Variants in TERF2 observed in about 807,000 individuals in gnomAD.
The protein encoded by TERF2 is telomeric repeat binding factor 2.
In TERF2, 16 loss-of-function variants were observed where a neutral mutation model predicts 56.1. The ratio of observed to expected loss-of-function variants is 0.29; its 90% CI spans 0.19 to 0.43. The LOEUF is 0.43. TERF2 is among the 20% of genes least tolerant of loss of function. The probability of loss-of-function intolerance (pLI) is 1.00; values close to 1 mark genes in which losing one functional copy is unlikely to be tolerated. For synonymous variants in TERF2, 296 were observed against 282.1 expected (o/e 1.05, Z -0.50); for missense variants, 547 against 712.9 (o/e 0.77, Z 2.65).
chr16:69,363,614 G>A (rs938009426), intron 7 of TERF2, among the ~76,000 whole-genome samples: 1 of 152,134 alleles, frequency 6.6e-6, no homozygotes, highest in Non-Finnish European at 1.5e-5. Flanking sequence ...GCTGCGGCTT[G>A]TGTACCATGA....
At chr16:69,371,373 T>A (rs946892312) in intron 4 of TERF2, among the ~76,000 whole-genome samples, 1 of 151,186 alleles carries the variant, frequency 6.6e-6, no homozygotes, top group Non-Finnish European at 1.5e-5. Context: ...TGGTGGCACA[T>A]GCCTGTAACC....
intron 3 of TERF2, among the ~76,000 whole-genome samples, chr16:69,372,718 C>T (rs2013622842): frequency 1.3e-5 from 2 of 151,998 alleles, no homozygotes; most frequent in South Asian, 4.1e-4. Context: ...GCCGAGATCG[C>T]GCCACTGCAC....
chr16:69,368,278 C>T (rs2013426508), intron 6 of TERF2, 98 bp downstream of exon 6: 12 of 1,089,434 alleles, frequency 1.1e-5, no homozygotes, highest in Admixed American at 4.1e-5. Context: ...GTTAGTAGGT[C>T]GGAGTGCTGA....
chr16:69,373,892 T>C (rs984484678), intron 3 of TERF2, among the ~76,000 whole-genome samples: 3 of 147,908 alleles, frequency 2.0e-5, no homozygotes, highest in Admixed American at 6.7e-5. Context: ...CAGGGAAGAA[T>C]GTACAGAGAC....
At chr16:69,371,330 C>G (rs1226337341) in intron 4 of TERF2, among the ~76,000 whole-genome samples, 1 of 151,220 alleles carries the variant, frequency 6.6e-6, no homozygotes, top group Non-Finnish European at 1.5e-5. Context: ...AAAACCCCGT[C>G]TCTACTAAAA....
intron 3 of TERF2, among the ~76,000 whole-genome samples, chr16:69,373,560 T>G (rs539718830): frequency 6.6e-6 from 1 of 152,144 alleles, no homozygotes; most frequent in Non-Finnish European, 1.5e-5. Context: ...TGTGGCAGCT[T>G]ACAACTGTAC....
At chr16:69,361,190 C>T (rs2013123470) in intron 8 of TERF2, among the ~76,000 whole-genome samples, 1 of 151,726 alleles carries the variant, frequency 6.6e-6, no homozygotes, top group African/African-American at 2.4e-5. Context: ...CATGTTTACA[C>T]CACTGCATTC....
chr16:69,356,801 A>C lies in TERF2; in HGVS notation c.*97T>G, dbSNP rs1175171331. ...GGTGACAGAGCGAGACTCTGTCTCA[A>C]AAAAAAAAAAAAAAGAAAAAGAAAG... On this transcript the variant is annotated 3_prime_UTR_variant, in exon 10 of 10. Transcript: ENST00000254942. 10 of 633,288 alleles carry C rather than the reference A, an allele frequency of 1.6e-5. No homozygotes were observed. The highest frequency in any genetic ancestry group is 1.7e-5 in the Non-Finnish European group (8 of 467,220). The allele number at this position is 633,288 out of a possible 1,614,324, so 39.2% of individuals were successfully genotyped here. A position where few individuals can be genotyped will look rare whatever the true frequency, so the allele number is the denominator to read the frequency against.
chr16:69,360,055 G>T (rs111625081), intron 8 of TERF2, among the ~76,000 whole-genome samples: 2 of 151,304 alleles, frequency 1.3e-5, no homozygotes, highest in African/African-American at 4.8e-5. Flanking sequence ...GAGCCACTAC[G>T]CCCAGCCTAG....
intron 4 of TERF2, among the ~76,000 whole-genome samples, chr16:69,370,879 G>T (rs547348229): frequency 6.6e-6 from 1 of 152,200 alleles, no homozygotes; most frequent in Non-Finnish European, 1.5e-5. Context: ...ATGATTCCAA[G>T]ATATAATATT....
chr16:69,370,485 T>G lies in TERF2; in HGVS notation c.838A>C (p.Thr280Pro). 1 of 1,614,114 alleles carries G rather than the reference T, an allele frequency of 6.2e-7. No individual in the cohort carries two copies. Among genetic ancestry groups the G allele is most frequent in the Non-Finnish European group, 8.5e-7 (1 of 1,180,012 alleles). The change falls in exon 5 of 10, where the codon ACG becomes CCG. Residue 280 changes from threonine (T) to proline (P), a missense_variant and splice_region_variant. Around this residue, in one of 6 missense-constraint regions of TERF2, gnomAD observed 97 missense variants for 157.0 expected, o/e 0.62. Transcript: ENST00000254942. ...HLDDAEPYLL[T>P]MAKKALKSES... ...ATGGGAGAAGGGCCAAGGCGCACCGTGAGGAGGTAGGGCTCGGCGTCATCC... is the reference window on the plus strand; with the variant it reads ...ATGGGAGAAGGGCCAAGGCGCACCGGGAGGAGGTAGGGCTCGGCGTCATCC...
Position 69,385,941 on chromosome 16 carries a change from C to G in TERF2, c.31G>C (p.Ala11Pro), listed in dbSNP as rs1434342134. The G allele has an allele frequency of 9.5e-6, 13 of 1,362,892 alleles. No individual in the cohort carries two copies. Among genetic ancestry groups the G allele is most frequent in the Middle Eastern group, 2.7e-4 (1 of 3,708 alleles). The allele number at this position is 1,362,892 out of a possible 1,614,324, so 84.4% of individuals were successfully genotyped here. Residue 11 changes from alanine to proline, a missense_variant, in exon 1 of 10, where the codon GCT becomes CCT. Physicochemically the swap from Ala to Pro is conservative, Grantham distance 27. Around this residue, in one of 6 missense-constraint regions of TERF2, gnomAD observed 85 missense variants for 59.5 expected, o/e 1.43. Transcript: ENST00000254942. ...TCACGCACGACGCCCGGGCCGGAAGCGGGGCCCGCCGTCCCGGCTCCCGCG... is the reference window on the plus strand; with the variant it reads ...TCACGCACGACGCCCGGGCCGGAAGGGGGGCCCGCCGTCCCGGCTCCCGCG... MAAGAGTAGP[A>P]SGPGVVRDPA...
chr16:69,369,121 G>GTCATTCAGTTTCGGTTTGC, intron 5 of TERF2, among the ~76,000 whole-genome samples: 1 of 74,754 alleles, frequency 1.3e-5, no homozygotes, highest in African/African-American at 7.2e-5. Context: ...GGCTCTTTGT[G>GTCATTCAGTTTCGGTTTGC]TTATATAGAT....
At chr16:69,368,702 AGTCTT>A in intron 5 of TERF2, 1 of 1,174,798 alleles carries the variant, frequency 8.5e-7, no homozygotes, top group Non-Finnish European at 1.2e-6. Flanking sequence ...TTTGAGAGGG[AGTCTT>A]GCTCTGTCGC....
chr16:69,379,141 T>C (rs1366501835), intron 3 of TERF2, among the ~76,000 whole-genome samples: 2 of 152,142 alleles, frequency 1.3e-5, no homozygotes, highest in Non-Finnish European at 2.9e-5. Flanking sequence ...AGGTTTATGT[T>C]GGGAAGAAAT....
intron 4 of TERF2, among the ~76,000 whole-genome samples, chr16:69,371,500 CAAAAAAAAA>C (rs778947462): frequency 2.4e-5 from 1 of 42,052 alleles, no homozygotes; most frequent in Admixed American, 2.7e-4. Flanking sequence ...GACTCCATCT[CAAAAAAAAA>C]AAAAAAAAAA....
chr16:69,357,413 G>A, intron 9 of TERF2, 105 bp downstream of exon 9: 1 of 895,022 alleles, frequency 1.1e-6, no homozygotes, highest in Non-Finnish European at 1.7e-6. Flanking sequence ...CTCAAAAAAA[G>A]GTTTTTACTG....
chr16:69,368,937 T>C (rs1597248757), intron 5 of TERF2, among the ~76,000 whole-genome samples: 1 of 152,014 alleles, frequency 6.6e-6, no homozygotes, highest in African/African-American at 2.4e-5. Context: ...CAGCCTCCCA[T>C]AGTGCTGGGA....
intron 3 of TERF2, among the ~76,000 whole-genome samples, chr16:69,380,072 C>T (rs2013939437): frequency 6.6e-6 from 1 of 151,932 alleles, no homozygotes; most frequent in African/African-American, 2.4e-5. Context: ...GGCCACACAC[C>T]CGGCTAATTT....
Sources: gnomAD v4.1 joint callset for allele counts (sites outside exome capture counted in the v4.1 genomes callset) on GRCh38, gnomAD v4.1.1 for gene constraint, gnomAD v4.1.1 regional missense constraint, MANE v1.5 for transcripts, NCBI Gene and HGNC (gene_info 2026-07-23, HGNC 2026-07-21) for gene names.